VPS53: variants seen among roughly 807,000 people sequenced by gnomAD.
The protein encoded by VPS53 is VPS53 subunit of GARP complex.
Under a neutral mutation model 107.0 loss-of-function variants are expected in VPS53, and 70 were observed. The observed-to-expected ratio is 0.65, with a 90% CI of 0.54 to 0.80. The LOEUF (loss-of-function observed/expected upper bound fraction) is 0.80. Among genes scored for constraint, VPS53 ranks in the 30% least tolerant of loss-of-function variants. VPS53 has a pLI of 0.00. For missense variants in VPS53, 917 were observed against 1,049.4 expected (o/e 0.87, Z 1.74); for synonymous variants, 409 against 393.3 (o/e 1.04, Z -0.47).
intron 17 of VPS53, among the ~76,000 whole-genome samples, chr17:542,430 A>G (rs1243744667): frequency 6.6e-6 from 1 of 152,214 alleles, no homozygotes; most frequent in African/African-American, 2.4e-5. Flanking sequence ...TCTGAGCCTC[A>G]GTATTCTCGT....
At chr17:543,256 A>G (rs1411260145) in intron 17 of VPS53, among the ~76,000 whole-genome samples, 3 of 152,210 alleles carry the variant, frequency 2.0e-5, no homozygotes, top group Admixed American at 2.0e-4. Flanking sequence ...ACAGATCTGC[A>G]TTTTAATGAC....
intron 17 of VPS53, among the ~76,000 whole-genome samples, chr17:550,363 T>C (rs1911710568): frequency 6.6e-6 from 1 of 152,224 alleles, no homozygotes; most frequent in African/African-American, 2.4e-5. Flanking sequence ...AGAGCAGACA[T>C]TGGCAAACTT....
chr17:519,994 G>A lies in VPS53; in HGVS notation c.2224-64C>T. ...ACTACCACCACGGGAGGAGACAGGAGCGGGCCCTCAAGAAAACTCACTACC... is the reference window on the plus strand; with the variant it reads ...ACTACCACCACGGGAGGAGACAGGAACGGGCCCTCAAGAAAACTCACTACC... On this transcript the variant is annotated intron_variant, in intron 20 of 21. Coordinates refer to ENST00000437048, the MANE Select transcript of VPS53 (RefSeq NM_001128159.3). The surrounding 1 kb of genome is among the most constrained non-coding windows in gnomAD (Gnocchi z 5.0). 2.4e-6 allele frequency: 3 copies of A among 1,226,618 alleles called. No homozygotes were observed. The highest frequency in any genetic ancestry group is 1.3e-5 in the South Asian group (1 of 76,686). 76.0% of individuals were successfully genotyped at this position (1,226,618 alleles called of 1,614,324 possible).
In VPS53 at chr17:524,653, T is replaced by A. The variant is rs1226468502; in HGVS notation, c.2086-2915A>T. 6.6e-6 allele frequency among the ~76,000 whole-genome samples: 1 copy of A among 152,152 alleles called. No individual in the cohort carries two copies. The highest frequency in any genetic ancestry group is 1.5e-5 in the Non-Finnish European group (1 of 68,028). On this transcript the variant is annotated intron_variant, in intron 19 of 21. Coordinates refer to ENST00000437048, the MANE Select transcript of VPS53 (RefSeq NM_001128159.3). The surrounding 1 kb of genome is among the most constrained non-coding windows in gnomAD (Gnocchi z 4.5). The stretch of plus-strand genomic sequence containing the variant: ...CGCAACCTGGTTAGTAACTGGGAAA[T>A]GCAAATTAAAACCACAGATGTACAC...
At chr17:627,135 T>G in intron 10 of VPS53, 39 bp downstream of exon 10, 1 of 1,584,564 alleles carries the variant, frequency 6.3e-7, no homozygotes, top group Non-Finnish European at 8.6e-7. Context: ...ATGGTGAAAA[T>G]TTGATTAACC....
intron 13 of VPS53, among the ~76,000 whole-genome samples, chr17:566,540 C>A (rs1048156800): frequency 1.3e-5 from 2 of 152,132 alleles, no homozygotes; most frequent in East Asian, 3.9e-4. Context: ...GATCAACCTC[C>A]ACACTTTGTT....
chr17:697,774 A>C (rs1973035774), intron 3 of VPS53, among the ~76,000 whole-genome samples: 1 of 152,226 alleles, frequency 6.6e-6, no homozygotes, highest in South Asian at 2.1e-4. Context: ...TTTTTCATGG[A>C]GTACATCAGG....
rs1322363416 is a variant in VPS53 at position 513,289 on chromosome 17, C to CACAA, written c.*5838_*5839insTTGT. ...CCAACATGCAGGCAGAAATCACTTC[C>CACAA]AGATGGAGAAAATGAAAGCTATTTA... is the stretch of plus-strand genomic sequence containing the variant. On this transcript the variant is annotated 3_prime_UTR_variant, in exon 22 of 22. Transcript: ENST00000437048. The CACAA allele has an allele frequency of 1.3e-5, 2 of 152,170 alleles. No individual in the cohort carries two copies. The highest frequency in any genetic ancestry group is 4.8e-5 in the African/African-American group (2 of 41,434). 9.4% of individuals were successfully genotyped at this position (152,170 alleles called of 1,614,324 possible). A position where few individuals can be genotyped will look rare whatever the true frequency, so the allele number is the denominator to read the frequency against.
In VPS53 at chr17:524,577, C is replaced by T. The variant is rs566838833; in HGVS notation, c.2086-2839G>A. ...AACAACAGGCAAACAATACTAACAC[C>T]GGATTCACAAAAGAGGAAACTCAAA... On this transcript the variant is annotated intron_variant, in intron 19 of 21. Transcript: ENST00000437048. This position sits in a 1 kb window ranked among gnomAD's most constrained non-coding sequence, Gnocchi z 4.5. Among the ~76,000 whole-genome samples the T allele has an allele frequency of 5.9e-5, 9 of 152,308 alleles. No individual in the cohort carries two copies. The South Asian group carries it at 1.0e-3, about 18-fold the overall frequency.
At chr17:536,282 A>G (rs1443735486) in intron 18 of VPS53, 1 of 152,156 alleles carries the variant, frequency 6.6e-6, no homozygotes, top group Non-Finnish European at 1.5e-5. Flanking sequence ...AGTGTGTCCA[A>G]GTATGAATAG....
chr17:606,380 A>C (rs1968579403), intron 11 of VPS53, among the ~76,000 whole-genome samples: 1 of 152,052 alleles, frequency 6.6e-6, no homozygotes, highest in East Asian at 1.9e-4. Context: ...CAGTTCTCCT[A>C]CCTGCAATGT....
At chr17:662,743 CAA>C (rs1338907191) in intron 4 of VPS53, among the ~76,000 whole-genome samples, 4 of 23,708 alleles carry the variant, frequency 1.7e-4, no homozygotes, top group African/African-American at 3.4e-4. Flanking sequence ...GAAAGAGAGA[CAA>C]AGAAAGAGAA....
rs138639431 is a variant in VPS53 at position 631,572 on chromosome 17, G to C, written c.665C>G (p.Ala222Gly). The C allele has an allele frequency of 5.0e-6, 8 of 1,614,044 alleles. No homozygotes were observed. Among genetic ancestry groups the C allele is most frequent in the Non-Finnish European group, 6.8e-6 (8 of 1,179,990 alleles). Residue 222 changes from alanine (A) to glycine (G), a missense_variant, in exon 8 of 22, where the codon GCG becomes GGG. Ala to Gly is a moderately conservative substitution (Grantham distance 60, BLOSUM62 0). Transcript: ENST00000437048. ...TACCTTGGTGCCCTGGGAAGGAAACGCTTCTTCAAAATCTGCCAGGATTTG... is the reference window on the plus strand; with the variant it reads ...TACCTTGGTGCCCTGGGAAGGAAACCCTTCTTCAAAATCTGCCAGGATTTG... ...GQQILADFEE[A>G]FPSQGTKRPG...
chr17:542,491 C>T (rs1250964723), intron 17 of VPS53, among the ~76,000 whole-genome samples: 4 of 152,096 alleles, frequency 2.6e-5, no homozygotes, highest in Admixed American at 6.6e-5. Context: ...TGAAAGATAA[C>T]GCATGGAATG....
chr17:606,540 C>G (rs1210972639), intron 11 of VPS53, among the ~76,000 whole-genome samples: 2 of 152,100 alleles, frequency 1.3e-5, no homozygotes. Flanking sequence ...CACCACATCA[C>G]CATGTTTCCA....
Position 631,701 on chromosome 17 carries a change from G to A in VPS53, c.609-73C>T, listed in dbSNP as rs1010681274. On this transcript the variant is annotated intron_variant, in intron 7 of 21. Transcript: ENST00000437048. ...TAACTACACACCGATCCACAGGGTCGGAAGGGCTGAAGTCTTTCGAGAAAG... is the reference window on the plus strand; with the variant it reads ...TAACTACACACCGATCCACAGGGTCAGAAGGGCTGAAGTCTTTCGAGAAAG... 1.4e-5 allele frequency: 20 copies of A among 1,440,978 alleles called. No individual in the cohort carries two copies. The African/African-American group carries it at 1.7e-4, about 12-fold the overall frequency. 89.3% of individuals were successfully genotyped at this position (1,440,978 alleles called of 1,614,324 possible).
At chr17:529,603 TTTC>T (rs1909379304) in intron 19 of VPS53, among the ~76,000 whole-genome samples, 1 of 152,232 alleles carries the variant, frequency 6.6e-6, no homozygotes, top group African/African-American at 2.4e-5. Flanking sequence ...TTTTTGAGTC[TTTC>T]TTATCAATGA....
intron 13 of VPS53, among the ~76,000 whole-genome samples, chr17:582,517 T>G (rs1175641887): frequency 6.8e-6 from 1 of 147,696 alleles, no homozygotes; most frequent in Non-Finnish European, 1.5e-5. Flanking sequence ...ACCCAATGTG[T>G]TCCCAGAGAA....
intron 7 of VPS53, 179 bp downstream of exon 7, chr17:653,112 C>T (rs942437079): frequency 5.1e-6 from 5 of 984,902 alleles, no homozygotes; most frequent in African/African-American, 3.5e-5. Context: ...GTTTACCTTT[C>T]GGAAAGCTGC....
Sources: allele counts gnomAD v4.1 joint callset (sites outside exome capture counted in the v4.1 genomes callset), GRCh38; gene constraint gnomAD v4.1.1; non-coding constraint Gnocchi (gnomAD v3.1); transcripts MANE v1.5; gene names NCBI Gene and HGNC (gene_info 2026-07-23, HGNC 2026-07-21).